The following AHI1 variants were observed in gnomAD, a reference collection of about 807,000 sequenced individuals.
AHI1 encodes jouberin.
Under a neutral mutation model 149.3 loss-of-function variants are expected in AHI1, and 123 were observed. The observed-to-expected ratio is 0.82, with a 90% CI of 0.71 to 0.96. The LOEUF is 0.96. AHI1 is among the 40% of genes least tolerant of loss of function. The probability of loss-of-function intolerance (pLI) is 0.00; values close to 1 mark genes in which losing one functional copy is unlikely to be tolerated. For missense variants in AHI1, 1,439 were observed against 1,422.7 expected (o/e 1.01, Z -0.18); for synonymous variants, 475 against 459.8 (o/e 1.03, Z -0.42).
intron 5 of AHI1, among the ~76,000 whole-genome samples, chr6:135,473,728 T>C (rs1792133821): frequency 6.8e-6 from 1 of 146,196 alleles, no homozygotes; most frequent in Non-Finnish European, 1.5e-5. Flanking sequence ...GATAAATTTA[T>C]CCCTGAATGC....
chr6:135,449,111 A>G (rs1233665293), intron 11 of AHI1, among the ~76,000 whole-genome samples: 1 of 152,054 alleles, frequency 6.6e-6, no homozygotes, highest in Non-Finnish European at 1.5e-5. Context: ...CAGTGGCAAA[A>G]TCTTGGCTCA....
chr6:135,297,316 TCAGTCTC>T, intron 27 of AHI1: 1 of 389,928 alleles, frequency 2.6e-6, no homozygotes, highest in South Asian at 1.9e-5. Context: ...CACTAATCAG[TCAGTCTC>T]CTCCCACTCT....
At chr6:135,493,045 G>C (rs1411987468) in intron 3 of AHI1, 4 of 857,142 alleles carry the variant, frequency 4.7e-6, no homozygotes, top group Non-Finnish European at 5.6e-6. Flanking sequence ...GTCTCCCTTT[G>C]TCGAGTGCAG....
intron 20 of AHI1, among the ~76,000 whole-genome samples, chr6:135,425,328 T>G (rs1476338267): frequency 1.3e-5 from 2 of 151,956 alleles, no homozygotes; most frequent in Non-Finnish European, 2.9e-5. Flanking sequence ...TGCATTTATA[T>G]TCTAATAAAT....
chr6:135,381,651 T>A (rs563577061), intron 23 of AHI1, among the ~76,000 whole-genome samples: 34 of 152,354 alleles, frequency 2.2e-4, no homozygotes, highest in African/African-American at 7.9e-4. Context: ...GATAAATTTC[T>A]AAACAAGGCC....
chr6:135,410,238 T>C (rs1348990478), intron 21 of AHI1, among the ~76,000 whole-genome samples: 2 of 152,058 alleles, frequency 1.3e-5, no homozygotes, highest in African/African-American at 4.8e-5. Context: ...GGCCTGGTGG[T>C]GTGTGCCTAC....
intron 24 of AHI1, among the ~76,000 whole-genome samples, chr6:135,324,559 T>TAC (rs1787360689): frequency 1.3e-5 from 2 of 148,636 alleles, no homozygotes; most frequent in Middle Eastern, 3.6e-3. Flanking sequence ...TACATATATA[T>TAC]ATATATATAT....
At chr6:135,286,015 GA>G (rs1174937211) in intron 28 of AHI1, among the ~76,000 whole-genome samples, 2 of 152,042 alleles carry the variant, frequency 1.3e-5, no homozygotes, top group Non-Finnish European at 2.9e-5. Context: ...CATTGAATGG[GA>G]AAAAAAGTCC....
At chr6:135,479,493 T>C (rs754911040) in intron 5 of AHI1, among the ~76,000 whole-genome samples, 8 of 152,250 alleles carry the variant, frequency 5.3e-5, no homozygotes, top group African/African-American at 1.7e-4. Context: ...ATGGGGCCTA[T>C]AGCCCCTTTG....
rs571759560 is a variant in AHI1 at position 135,294,952 on chromosome 6, A to G, written c.3486-4427T>C. 1.7e-4 allele frequency among the ~76,000 whole-genome samples: 26 copies of G among 152,298 alleles called. No homozygotes were observed. In the South Asian group the frequency reaches 2.9e-3, roughly 17 times the overall value. ...ACGGAACTTCAACAAAGTAAAAAAC[A>G]GTTTGCTCTTCAAAAGTCACTGCTA... On this transcript the variant is annotated intron_variant, in intron 27 of 28. Coordinates refer to ENST00000265602, the MANE Select transcript of AHI1 (RefSeq NM_001134831.2).
At chr6:135,353,471 C>T (rs1042070186) in intron 24 of AHI1, among the ~76,000 whole-genome samples, 10 of 152,070 alleles carry the variant, frequency 6.6e-5, no homozygotes, top group African/African-American at 1.9e-4. Flanking sequence ...TTCACTTAAA[C>T]TCATACATGT....
At chr6:135,432,091 T>C (rs764883829) in intron 16 of AHI1, among the ~76,000 whole-genome samples, 26 of 151,878 alleles carry the variant, frequency 1.7e-4, no homozygotes, top group Non-Finnish European at 2.9e-5. Context: ...CTACTGCTAT[T>C]ATGACAGAGT....
intron 27 of AHI1, among the ~76,000 whole-genome samples, chr6:135,296,245 T>A (rs1456586353): frequency 6.6e-6 from 1 of 152,170 alleles, no homozygotes; most frequent in Non-Finnish European, 1.5e-5. Context: ...ACTTCATGGC[T>A]CCCACTTTTT....
At position 135,382,912 on chromosome 6, in the gene AHI1, AAAAAAAAAAAAAAAATATATATAT is replaced by A. The variant is rs1302210730; in HGVS notation, c.3109+11840_3109+11863del. ...AAATTAGTAAAAAAAAAAAAAAAAA[AAAAAAAAAAAAAAAATATATATAT>A]ATATATATATATATATATACATATA... On this transcript the variant is annotated intron_variant, in intron 23 of 28. Coordinates refer to ENST00000265602, the MANE Select transcript of AHI1 (RefSeq NM_001134831.2). Among the ~76,000 whole-genome samples the A allele has an allele frequency of 6.1e-4, 63 of 103,422 alleles. 1 individual carries two copies. Among genetic ancestry groups the A allele is most frequent in the African/African-American group, 2.3e-3 (62 of 27,354 alleles). 67.8% of individuals were successfully genotyped at this position (103,422 alleles called of 152,430 possible).
At chr6:135,421,020 T>C (rs535055889) in intron 20 of AHI1, among the ~76,000 whole-genome samples, 2 of 152,250 alleles carry the variant, frequency 1.3e-5, no homozygotes, top group South Asian at 4.1e-4. Flanking sequence ...ATTTCAATAC[T>C]GTGTCTCAGA....
At chr6:135,365,078 G>A (rs1269384212) in intron 23 of AHI1, among the ~76,000 whole-genome samples, 1 of 152,192 alleles carries the variant, frequency 6.6e-6, no homozygotes, top group African/African-American at 2.4e-5. Flanking sequence ...TGAACAGGGT[G>A]TCCTTTCCTC....
chr6:135,324,602 G>T (rs574953768), intron 24 of AHI1, among the ~76,000 whole-genome samples: 1 of 150,876 alleles, frequency 6.6e-6, no homozygotes, highest in African/African-American at 2.4e-5. Flanking sequence ...TGCACAGCAC[G>T]TGAGAGTCCA....
intron 5 of AHI1, chr6:135,489,904 A>C: frequency 6.7e-6 from 2 of 297,326 alleles, no homozygotes. Flanking sequence ...CCAAAAAAAA[A>C]AAAAAAACTA....
At chr6:135,493,233 A>G (rs1795503204) in intron 3 of AHI1, among the ~76,000 whole-genome samples, 1 of 152,188 alleles carries the variant, frequency 6.6e-6, no homozygotes, top group South Asian at 2.1e-4. Context: ...TCCTGACCTC[A>G]TATGATCTGC....
Sources: allele counts gnomAD v4.1 joint callset (sites outside exome capture counted in the v4.1 genomes callset), GRCh38; gene constraint gnomAD v4.1.1; transcripts MANE v1.5; gene names NCBI Gene and HGNC (gene_info 2026-07-23, HGNC 2026-07-21).